CADM2: variants seen among roughly 807,000 people sequenced by gnomAD.
CADM2 encodes the protein immunoglobulin superfamily member 4D.
Under a neutral mutation model 49.8 loss-of-function variants are expected in CADM2, and 12 were observed. That is an observed-to-expected ratio of 0.24 (90% CI 0.15 to 0.39). CADM2 has a LOEUF of 0.39. CADM2 is among the 10% of genes least tolerant of loss of function. The pLI is 1.00. For synonymous variants in CADM2, 214 were observed against 175.4 expected (o/e 1.22, Z -1.74); for missense variants, 378 against 492.3 (o/e 0.77, Z 2.20).
chr3:85,843,893 T>C (rs1490102545), intron 3 of CADM2, among the ~76,000 whole-genome samples: 1 of 147,000 alleles, frequency 6.8e-6, no homozygotes, highest in East Asian at 1.9e-4. Flanking sequence ...AGTGTATGTG[T>C]GTGTGGGGGG....
In CADM2 at chr3:85,913,073, G is replaced by C. The variant is rs564829095; in HGVS notation, c.700+530G>C. ...CAAAATTAATTTTGTGAATCTAATA[G>C]ATCGGGGCAGTGCTAAATGTTTTGC... is the stretch of plus-strand genomic sequence containing the variant. On this transcript the variant is annotated intron_variant, in intron 6 of 9. Transcript: ENST00000383699. Among the ~76,000 whole-genome samples, 61 of 152,156 alleles carry C rather than the reference G, an allele frequency of 4.0e-4. No individual in the cohort carries two copies. The Middle Eastern group carries it at 0.014, about 34-fold the overall frequency.
At chr3:85,581,925 T>A (rs1332563937) in intron 1 of CADM2, among the ~76,000 whole-genome samples, 1 of 151,992 alleles carries the variant, frequency 6.6e-6, no homozygotes, top group Non-Finnish European at 1.5e-5. Flanking sequence ...TGTTTTGTTT[T>A]GTTTTGTTTT....
chr3:85,718,116 A>G (rs1236427063), intron 1 of CADM2, among the ~76,000 whole-genome samples: 1 of 152,120 alleles, frequency 6.6e-6, no homozygotes. Flanking sequence ...TCTTACACCT[A>G]ATAGTGTTCA....
At chr3:85,394,278 A>G (rs2034663709) in intron 1 of CADM2, among the ~76,000 whole-genome samples, 2 of 152,168 alleles carry the variant, frequency 1.3e-5, no homozygotes, top group African/African-American at 4.8e-5. Context: ...TTCCATTGAC[A>G]TTAATATTAT....
At chr3:86,049,037 T>G (rs1178455806) in intron 8 of CADM2, among the ~76,000 whole-genome samples, 4 of 152,148 alleles carry the variant, frequency 2.6e-5, no homozygotes, top group Non-Finnish European at 5.9e-5. Flanking sequence ...ACCCTTGTTT[T>G]TTCCTGTTTT....
chr3:85,318,043 G>T (rs997034011), intron 1 of CADM2, among the ~76,000 whole-genome samples: 16 of 151,924 alleles, frequency 1.1e-4, no homozygotes, highest in African/African-American at 3.9e-4. Context: ...GGTGTGGCAA[G>T]TGCCTGTAGT....
In CADM2 at chr3:85,876,937, A is replaced by G. The variant is rs1711941005; in HGVS notation, c.239-6354A>G. On this transcript the variant is annotated intron_variant, in intron 3 of 9. Coordinates refer to ENST00000383699, the MANE Select transcript of CADM2 (RefSeq NM_001167675.2). ...AGGCATTTTTATTTTATTCAGCATG[A>G]ATCCAAAATACACGTTTGTATGATT... 2.6e-5 allele frequency among the ~76,000 whole-genome samples: 4 copies of G among 152,304 alleles called. No homozygotes were observed. In the South Asian group the frequency reaches 8.3e-4, roughly 32 times the overall value.
At chr3:85,113,558 G>C (rs1234988794) in intron 1 of CADM2, among the ~76,000 whole-genome samples, 1 of 151,620 alleles carries the variant, frequency 6.6e-6, no homozygotes, top group Non-Finnish European at 1.5e-5. Flanking sequence ...CAAAGGTAAA[G>C]CAAAATAATA....
At chr3:85,019,010 GT>G (rs1329820894) in intron 1 of CADM2, among the ~76,000 whole-genome samples, 5 of 152,124 alleles carry the variant, frequency 3.3e-5, no homozygotes, top group African/African-American at 4.8e-5. Context: ...CAACTACCTG[GT>G]TCAGAAGTGT....
chr3:86,042,146 C>G (rs576733924), intron 8 of CADM2, among the ~76,000 whole-genome samples: 61 of 152,062 alleles, frequency 4.0e-4, no homozygotes, highest in Non-Finnish European at 8.1e-4. Flanking sequence ...AAAATTGACA[C>G]GCTAACATCA....
chr3:85,571,252 G>A (rs1329428197), intron 1 of CADM2, among the ~76,000 whole-genome samples: 1 of 152,158 alleles, frequency 6.6e-6, no homozygotes, highest in Non-Finnish European at 1.5e-5. Flanking sequence ...CCATATGAAT[G>A]TACTTTCAAG....
chr3:85,584,230 C>A (rs974644228), intron 1 of CADM2, among the ~76,000 whole-genome samples: 1 of 151,782 alleles, frequency 6.6e-6, no homozygotes, highest in African/African-American at 2.4e-5. Flanking sequence ...TAAATAAAAA[C>A]CAAGAAAAAT....
chr3:85,685,832 G>A (rs1031955249), intron 1 of CADM2, among the ~76,000 whole-genome samples: 1 of 150,494 alleles, frequency 6.6e-6, no homozygotes, highest in African/African-American at 2.4e-5. Context: ...CATCATGTTG[G>A]GTAGCCTGGT....
intron 3 of CADM2, among the ~76,000 whole-genome samples, chr3:85,817,595 ATTAG>A (rs940499949): frequency 3.3e-5 from 5 of 152,182 alleles, no homozygotes; most frequent in African/African-American, 1.2e-4. Flanking sequence ...TTCTGCAAAC[ATTAG>A]TTAGTTGTTC....
chr3:85,712,424 A>G (rs1046509479), intron 1 of CADM2, among the ~76,000 whole-genome samples: 1 of 152,162 alleles, frequency 6.6e-6, no homozygotes, highest in African/African-American at 2.4e-5. Context: ...TCATATTTTA[A>G]TAATGGACAC....
In CADM2 at chr3:85,007,356, C is replaced by T. The variant is rs114743793; in HGVS notation, c.61+47688C>T. Among the ~76,000 whole-genome samples, 153 of 152,180 alleles carry T rather than the reference C, an allele frequency of 1.0e-3. 1 individual carries two copies. Among genetic ancestry groups the T allele is most frequent in the African/African-American group, 3.6e-3 (148 of 41,546 alleles). ...GTGAAACAAAGAGTCTCTGTGGCAACTACTCATTGTTGCATAACAGACAAT... is the reference window on the plus strand; with the variant it reads ...GTGAAACAAAGAGTCTCTGTGGCAATTACTCATTGTTGCATAACAGACAAT... On this transcript the variant is annotated intron_variant, in intron 1 of 9. Coordinates refer to ENST00000383699, the MANE Select transcript of CADM2 (RefSeq NM_001167675.2).
chr3:85,515,718 C>T (rs1156278537), intron 1 of CADM2, among the ~76,000 whole-genome samples: 3 of 150,236 alleles, frequency 2.0e-5, no homozygotes, highest in African/African-American at 7.4e-5. Flanking sequence ...ACCTCGTGGT[C>T]CGCCCACCTC....
intron 1 of CADM2, among the ~76,000 whole-genome samples, chr3:85,293,889 T>A (rs1234333764): frequency 6.6e-6 from 1 of 151,730 alleles, no homozygotes; most frequent in Non-Finnish European, 1.5e-5. Flanking sequence ...AAGACAGGGA[T>A]GCCCTCCCTC....
At chr3:85,481,952 A>G (rs2039231124) in intron 1 of CADM2, among the ~76,000 whole-genome samples, 1 of 151,732 alleles carries the variant, frequency 6.6e-6, no homozygotes. Context: ...ACAAAATAAT[A>G]AACAGAGATC....
Sources: allele counts gnomAD v4.1 joint callset (sites outside exome capture counted in the v4.1 genomes callset), GRCh38; gene constraint gnomAD v4.1.1; transcripts MANE v1.5; gene names NCBI Gene and HGNC (gene_info 2026-07-23, HGNC 2026-07-21).